Variants in PPP3R1 observed in about 807,000 individuals in gnomAD.
The protein encoded by PPP3R1 is protein phosphatase 3 regulatory subunit B, alpha, also known as calcineurin subunit B type 1.
Under a neutral mutation model 22.6 loss-of-function variants are expected in PPP3R1, and 5 were observed. The ratio of observed to expected loss-of-function variants is 0.22; its 90% CI spans 0.12 to 0.46. The LOEUF (loss-of-function observed/expected upper bound fraction) is 0.46, where lower values mean the gene tolerates loss of function less well. Among genes scored for constraint, PPP3R1 ranks in the 20% least tolerant of loss-of-function variants. The pLI is 0.99. For synonymous variants in PPP3R1, 56 were observed against 65.2 expected, an observed-to-expected ratio of 0.86 and a Z score of 0.68; for missense variants, 61 against 203.2, an observed-to-expected ratio of 0.30 and a Z score of 4.25.
intron 1 of PPP3R1, among the ~76,000 whole-genome samples, chr2:68,250,279 G>A (rs1271690474): frequency 1.3e-5 from 2 of 152,078 alleles, no homozygotes; most frequent in East Asian, 3.8e-4. Context: ...TAAAAGACAA[G>A]AAAACAGAGT....
intron 2 of PPP3R1, among the ~76,000 whole-genome samples, chr2:68,209,356 CTCAAAAAAAAAAAA>C (rs1354858600): frequency 3.6e-4 from 10 of 28,120 alleles, no homozygotes; most frequent in South Asian, 2.6e-3. Flanking sequence ...GAGACTCTGT[CTCAAAAAAAAAAAA>C]AAAAAAAAAA....
intron 2 of PPP3R1, among the ~76,000 whole-genome samples, chr2:68,213,341 T>A (rs145553611): frequency 3.7e-4 from 56 of 152,316 alleles, no homozygotes; most frequent in African/African-American, 1.2e-3. Context: ...GAGAGCAGTG[T>A]AGGGTTATTA....
At chr2:68,232,142 T>C (rs60990348) in intron 1 of PPP3R1, among the ~76,000 whole-genome samples, 1,300 of 34,188 alleles carry the variant, frequency 0.038, 69 homozygotes, top group African/African-American at 0.15. Context: ...CACACACATA[T>C]ATATGTATAT....
At chr2:68,198,405 G>GTA (rs764763885) in intron 2 of PPP3R1, among the ~76,000 whole-genome samples, 8 of 81,826 alleles carry the variant, frequency 9.8e-5, no homozygotes, top group Admixed American at 4.0e-4. Context: ...ATATATATGT[G>GTA]TATGTATATG....
chr2:68,251,688 T>G (rs950718245), intron 1 of PPP3R1, among the ~76,000 whole-genome samples: 1 of 152,180 alleles, frequency 6.6e-6, no homozygotes. Flanking sequence ...TGCCACATAT[T>G]GTTATTTCCA....
At chr2:68,230,051 G>A (rs953712813) in intron 1 of PPP3R1, among the ~76,000 whole-genome samples, 13 of 151,108 alleles carry the variant, frequency 8.6e-5, no homozygotes, top group African/African-American at 2.4e-4. Context: ...GGAGCGTAGC[G>A]GCACAATCTT....
chr2:68,209,975 G>GA (rs1226651977), intron 2 of PPP3R1, among the ~76,000 whole-genome samples: 1 of 152,154 alleles, frequency 6.6e-6, no homozygotes, highest in Non-Finnish European at 1.5e-5. Flanking sequence ...TGTTTTGGGG[G>GA]AAAAAAAAGG....
At chr2:68,249,798 G>A (rs1029432598) in intron 1 of PPP3R1, among the ~76,000 whole-genome samples, 5 of 151,904 alleles carry the variant, frequency 3.3e-5, no homozygotes, top group African/African-American at 1.2e-4. Flanking sequence ...ATCCTTGAGA[G>A]TACATTTAAA....
At chr2:68,215,394 A>G (rs1226062581) in intron 2 of PPP3R1, among the ~76,000 whole-genome samples, 1 of 152,182 alleles carries the variant, frequency 6.6e-6, no homozygotes, top group African/African-American at 2.4e-5. Context: ...CTCAACCTGT[A>G]TTCCCTGTCC....
chr2:68,232,108 A>ATATAT, intron 1 of PPP3R1, among the ~76,000 whole-genome samples: 1 of 89,834 alleles, frequency 1.1e-5, no homozygotes, highest in Non-Finnish European at 2.1e-5. Flanking sequence ...AAAAAAAAAA[A>ATATAT]ATATATATAT....
At chr2:68,212,432 T>C (rs1669504421) in intron 2 of PPP3R1, among the ~76,000 whole-genome samples, 1 of 152,210 alleles carries the variant, frequency 6.6e-6, no homozygotes, top group South Asian at 2.1e-4. Flanking sequence ...GAGGAATGAC[T>C]ATCAAAGGCA....
At chr2:68,228,069 GTA>G (rs1272088981) in intron 1 of PPP3R1, among the ~76,000 whole-genome samples, 3 of 152,094 alleles carry the variant, frequency 2.0e-5, no homozygotes, top group Non-Finnish European at 2.9e-5. Flanking sequence ...TTGCCATTAA[GTA>G]TAATGTCAGC....
At chr2:68,192,195 G>A (rs990481244) in intron 2 of PPP3R1, among the ~76,000 whole-genome samples, 3 of 152,050 alleles carry the variant, frequency 2.0e-5, no homozygotes, top group Non-Finnish European at 2.9e-5. Flanking sequence ...CCCTCTCCAC[G>A]CTTGCCTTAA....
intron 1 of PPP3R1, among the ~76,000 whole-genome samples, chr2:68,239,204 G>A (rs1670073064): frequency 6.6e-6 from 1 of 152,182 alleles, no homozygotes; most frequent in African/African-American, 2.4e-5. Context: ...ATACAGTACC[G>A]TATTCTGTAG....
At chr2:68,245,389 A>G (rs1347717723) in intron 1 of PPP3R1, among the ~76,000 whole-genome samples, 4 of 152,176 alleles carry the variant, frequency 2.6e-5, no homozygotes, top group Non-Finnish European at 4.4e-5. Flanking sequence ...TATTCAGTTT[A>G]TTTTCCAAGT....
chr2:68,251,765 G>C (rs972715663), intron 1 of PPP3R1, among the ~76,000 whole-genome samples: 1 of 151,730 alleles, frequency 6.6e-6, no homozygotes, highest in Non-Finnish European at 1.5e-5. Context: ...GGTGCTCCAC[G>C]TGGAGGAGGG....
chr2:68,198,462 CGTATATAT>C (rs1355291803), intron 2 of PPP3R1, among the ~76,000 whole-genome samples: 2 of 148,344 alleles, frequency 1.3e-5, no homozygotes, highest in Non-Finnish European at 3.0e-5. Context: ...TACATATATA[CGTATATAT>C]GCGTATGTAT....
intron 5 of PPP3R1, among the ~76,000 whole-genome samples, chr2:68,184,859 G>A (rs1240093340): frequency 6.6e-6 from 1 of 152,128 alleles, no homozygotes; most frequent in Non-Finnish European, 1.5e-5. Context: ...AGGCTGAAAT[G>A]GGACGATCGC....
chr2:68,203,303 A>G (rs891912878), intron 2 of PPP3R1, among the ~76,000 whole-genome samples: 3 of 152,232 alleles, frequency 2.0e-5, no homozygotes, highest in Admixed American at 6.5e-5. Context: ...ATGTTTTAAC[A>G]ATAAATGGCA....
Sources: allele counts gnomAD v4.1 joint callset (sites outside exome capture counted in the v4.1 genomes callset), GRCh38; gene constraint gnomAD v4.1.1; transcripts MANE v1.5; gene names NCBI Gene and HGNC (gene_info 2026-07-23, HGNC 2026-07-21).